KCNIP4: variants seen among roughly 807,000 people sequenced by gnomAD.
KCNIP4 encodes the protein potassium voltage-gated channel interacting protein 4, also known as Kv channel-interacting protein 4.
KCNIP4 carries 12 observed loss-of-function variants against 34.0 expected under a neutral mutation model. The ratio of observed to expected loss-of-function variants is 0.35; its 90% CI spans 0.23 to 0.57. KCNIP4 has a LOEUF of 0.57. Among genes scored for constraint, KCNIP4 ranks in the 20% least tolerant of loss-of-function variants. KCNIP4 has a pLI of 0.83. For missense variants in KCNIP4, 238 were observed against 311.7 expected, an observed-to-expected ratio of 0.76 and a Z score of 1.78; for synonymous variants, 124 against 102.2, an observed-to-expected ratio of 1.21 and a Z score of -1.29.
At position 21,948,647 on chromosome 4, in the gene KCNIP4, G is replaced by C. The variant is rs1429111914; in HGVS notation, c.-16C>G. On this transcript the variant is annotated 5_prime_UTR_variant, in exon 1 of 9. Coordinates refer to ENST00000382152, the MANE Select transcript of KCNIP4 (RefSeq NM_025221.6). ...TCACATTCATGTCTAGGGACGCAGG[G>C]TGCAGAAGCGAGACTCGAGAGTCCA... 1.9e-6 allele frequency: 3 copies of C among 1,609,974 alleles called. No individual in the cohort carries two copies. Among genetic ancestry groups the C allele is most frequent in the South Asian group, 1.1e-5 (1 of 90,064 alleles).
intron 1 of KCNIP4, among the ~76,000 whole-genome samples, chr4:21,086,870 C>T (rs76661561): frequency 0.012 from 1,764 of 151,888 alleles, 41 homozygotes; most frequent in African/African-American, 0.04. Flanking sequence ...TTTTCTTTCC[C>T]TCTTTCCCTC....
At chr4:20,918,569 A>G (rs1306792090) in intron 1 of KCNIP4, among the ~76,000 whole-genome samples, 1 of 152,160 alleles carries the variant, frequency 6.6e-6, no homozygotes, top group African/African-American at 2.4e-5. Flanking sequence ...CTCTCAACAC[A>G]TAATTAAGAA....
intron 1 of KCNIP4, among the ~76,000 whole-genome samples, chr4:21,745,264 C>T (rs1420111225): frequency 6.6e-6 from 1 of 152,166 alleles, no homozygotes; most frequent in African/African-American, 2.4e-5. Context: ...TTTCATCTTG[C>T]AAGACAAGTG....
chr4:21,039,382 A>T (rs905455874), intron 1 of KCNIP4, among the ~76,000 whole-genome samples: 1 of 152,062 alleles, frequency 6.6e-6, no homozygotes, highest in Non-Finnish European at 1.5e-5. Flanking sequence ...AAAAGAAAAA[A>T]AAAAAAAAGG....
chr4:21,206,582 C>T (rs1756868950), intron 1 of KCNIP4, among the ~76,000 whole-genome samples: 1 of 152,146 alleles, frequency 6.6e-6, no homozygotes, highest in East Asian at 1.9e-4. Context: ...AGAATCAGGC[C>T]TAGATTCCAG....
At chr4:21,756,552 C>CA (rs71191600) in intron 1 of KCNIP4, among the ~76,000 whole-genome samples, 2,750 of 124,874 alleles carry the variant, frequency 0.022, 39 homozygotes, top group East Asian at 0.052. Flanking sequence ...GACTCTGTCT[C>CA]AAAAAAAAAA....
intron 1 of KCNIP4, among the ~76,000 whole-genome samples, chr4:21,287,546 C>G (rs925276042): frequency 1.3e-5 from 2 of 152,168 alleles, no homozygotes; most frequent in Admixed American, 6.5e-5. Flanking sequence ...ATGTAATTAT[C>G]TCCATGTGTC....
At chr4:20,909,867 A>G (rs1728165214) in intron 1 of KCNIP4, among the ~76,000 whole-genome samples, 1 of 152,090 alleles carries the variant, frequency 6.6e-6, no homozygotes, top group South Asian at 2.1e-4. Flanking sequence ...GGTGCAATTG[A>G]GCCACTGCAT....
At chr4:20,815,767 A>G (rs1716295774) in intron 3 of KCNIP4, among the ~76,000 whole-genome samples, 1 of 152,234 alleles carries the variant, frequency 6.6e-6, no homozygotes. Flanking sequence ...TTTAGACGGT[A>G]GCATGTATCA....
intron 1 of KCNIP4, among the ~76,000 whole-genome samples, chr4:21,073,928 C>T (rs1013954346): frequency 6.6e-6 from 1 of 152,066 alleles, no homozygotes; most frequent in Non-Finnish European, 1.5e-5. Context: ...TGTTTATATG[C>T]TGGATTACGT....
At chr4:21,757,664 T>C (rs745517287) in intron 1 of KCNIP4, among the ~76,000 whole-genome samples, 10 of 152,174 alleles carry the variant, frequency 6.6e-5, no homozygotes, top group Admixed American at 6.5e-4. Flanking sequence ...GCAACAAAAA[T>C]ATCATTTATT....
intron 1 of KCNIP4, among the ~76,000 whole-genome samples, chr4:20,887,844 TCC>T (rs1725485718): frequency 6.6e-6 from 1 of 152,128 alleles, no homozygotes; most frequent in Non-Finnish European, 1.5e-5. Flanking sequence ...AAATATATTA[TCC>T]TGTTTTCCTT....
rs144630588 is a variant in KCNIP4, at chr4:21,009,402, A to G, written c.62-126693T>C. On this transcript the variant is annotated intron_variant, in intron 1 of 8. Transcript: ENST00000382152. ...ATAATTATGAAATTGAATTCTCCTG[A>G]TTTCTTTTGGCCTTAAAGACTTTCT... Among the ~76,000 whole-genome samples, 33 of 152,308 alleles carry G rather than the reference A, an allele frequency of 2.2e-4. No individual in the cohort carries two copies. The East Asian group carries it at 6.4e-3, about 29-fold the overall frequency.
chr4:21,724,436 C>T (rs1460061981), intron 1 of KCNIP4, among the ~76,000 whole-genome samples: 1 of 152,024 alleles, frequency 6.6e-6, no homozygotes, highest in East Asian at 1.9e-4. Context: ...CATGTATGAA[C>T]TATTATTACA....
At position 21,522,518 on chromosome 4, in the gene KCNIP4, A is replaced by T. The variant is rs140644650; in HGVS notation, c.61+426053T>A. ...TATGACTAAATGTGCATGCCACCAC[A>T]CACAGCTTACAGTATATTCTTTATG... On this transcript the variant is annotated intron_variant, in intron 1 of 8. Transcript: ENST00000382152. 5.8e-3 allele frequency among the ~76,000 whole-genome samples: 875 copies of T among 152,134 alleles called. 16 individuals are homozygous for T. The highest frequency in any genetic ancestry group is 0.02 in the African/African-American group (819 of 41,492).
intron 1 of KCNIP4, among the ~76,000 whole-genome samples, chr4:20,984,574 AG>A (rs1449854263): frequency 6.6e-6 from 1 of 152,148 alleles, no homozygotes; most frequent in African/African-American, 2.4e-5. Flanking sequence ...GCAGGAGCAA[AG>A]CTCCGTGATT....
In KCNIP4 at chr4:20,847,758, G is replaced by T. The variant is rs115492385; in HGVS notation, c.288+2785C>A. On this transcript the variant is annotated intron_variant, in intron 3 of 8. Coordinates refer to ENST00000382152, the MANE Select transcript of KCNIP4 (RefSeq NM_025221.6). ...GTTATGCTGGTCATATTTACTTGCA[G>T]GGGTGCCTGGCTATGTTGAGCTACT... is the stretch of plus-strand genomic sequence containing the variant. Among the ~76,000 whole-genome samples, 1,329 of 152,310 alleles carry T rather than the reference G, an allele frequency of 8.7e-3. 27 individuals carry two copies. The highest frequency in any genetic ancestry group is 0.031 in the African/African-American group (1,278 of 41,574).
At chr4:21,864,797 G>A (rs1038924498) in intron 1 of KCNIP4, among the ~76,000 whole-genome samples, 3 of 152,164 alleles carry the variant, frequency 2.0e-5, no homozygotes, top group Non-Finnish European at 4.4e-5. Flanking sequence ...AAAGTCCCAT[G>A]AAGACTGGTT....
At chr4:21,706,015 A>G (rs1713237108) in intron 1 of KCNIP4, among the ~76,000 whole-genome samples, 1 of 152,182 alleles carries the variant, frequency 6.6e-6, no homozygotes, top group South Asian at 2.1e-4. Context: ...GGGAAAATAA[A>G]GTTGTTTAAT....
Sources: gnomAD v4.1 joint callset for allele counts (sites outside exome capture counted in the v4.1 genomes callset) on GRCh38, gnomAD v4.1.1 for gene constraint, MANE v1.5 for transcripts, NCBI Gene and HGNC (gene_info 2026-07-23, HGNC 2026-07-21) for gene names.